LRMDA: variants seen among roughly 807,000 people sequenced by gnomAD.
LRMDA encodes the protein leucine-rich melanocyte differentiation-associated protein.
LRMDA carries 18 observed loss-of-function variants against 29.8 expected under a neutral mutation model. The ratio of observed to expected loss-of-function variants is 0.60; its 90% CI spans 0.42 to 0.90. The LOEUF (loss-of-function observed/expected upper bound fraction) is 0.90. Among genes scored for constraint, LRMDA ranks in the 40% least tolerant of loss-of-function variants. LRMDA has a pLI of 0.00. For synonymous variants in LRMDA, 125 were observed against 109.4 expected (o/e 1.14, Z -0.89); for missense variants, 273 against 273.9 (o/e 1.00, Z 0.02).
chr10:76,116,356 A>G (rs1193853480), intron 5 of LRMDA, among the ~76,000 whole-genome samples: 3 of 152,202 alleles, frequency 2.0e-5, no homozygotes, highest in Non-Finnish European at 2.9e-5. Context: ...TTTTAGATTT[A>G]AAGTGAACTG....
intron 5 of LRMDA, among the ~76,000 whole-genome samples, chr10:76,110,586 G>T (rs1182235165): frequency 6.6e-6 from 1 of 152,090 alleles, no homozygotes; most frequent in Non-Finnish European, 1.5e-5. Flanking sequence ...AGGGACCCAC[G>T]GGGAGGTAAT....
At chr10:75,793,963 T>C (rs2132254650) in intron 2 of LRMDA, among the ~76,000 whole-genome samples, 1 of 152,340 alleles carries the variant, frequency 6.6e-6, no homozygotes, top group South Asian at 2.1e-4. Flanking sequence ...TCTGTCCCCA[T>C]AGTGGGAAAA....
At chr10:75,548,453 C>A (rs1176399240) in intron 2 of LRMDA, among the ~76,000 whole-genome samples, 2 of 152,150 alleles carry the variant, frequency 1.3e-5, no homozygotes, top group Non-Finnish European at 2.9e-5. Flanking sequence ...AATTTTAATA[C>A]TCTGGGAGTG....
At chr10:76,315,276 A>G (rs896784059) in intron 5 of LRMDA, among the ~76,000 whole-genome samples, 2 of 152,242 alleles carry the variant, frequency 1.3e-5, no homozygotes, top group Admixed American at 1.3e-4. Context: ...GGGAGCCAGG[A>G]ACAGACAAGA....
At chr10:75,881,395 G>A (rs1442151764) in intron 2 of LRMDA, among the ~76,000 whole-genome samples, 4 of 152,190 alleles carry the variant, frequency 2.6e-5, no homozygotes, top group East Asian at 1.9e-4. Flanking sequence ...GCCGATTCAC[G>A]CTGACTTCCT....
chr10:75,551,669 G>A (rs765438372), intron 2 of LRMDA, among the ~76,000 whole-genome samples: 115 of 152,134 alleles, frequency 7.6e-4, no homozygotes, highest in Non-Finnish European at 1.4e-3. Flanking sequence ...GAACTCATCC[G>A]TTTTTATGGC....
intron 5 of LRMDA, among the ~76,000 whole-genome samples, chr10:76,195,571 T>C (rs1851318834): frequency 6.6e-6 from 1 of 152,178 alleles, no homozygotes; most frequent in Non-Finnish European, 1.5e-5. Context: ...CCTGTTTCCT[T>C]AGCCCTGTTC....
At chr10:76,329,290 A>C (rs1279034447) in intron 6 of LRMDA, among the ~76,000 whole-genome samples, 1 of 152,240 alleles carries the variant, frequency 6.6e-6, no homozygotes, top group African/African-American at 2.4e-5. Context: ...AATCCAGCAC[A>C]TCTACCATAA....
chr10:76,209,510 G>T (rs1851598108), intron 5 of LRMDA, among the ~76,000 whole-genome samples: 2 of 152,224 alleles, frequency 1.3e-5, no homozygotes, highest in African/African-American at 2.4e-5. Context: ...CATGGCTCCT[G>T]TGAGGGACTG....
intron 2 of LRMDA, among the ~76,000 whole-genome samples, chr10:75,973,507 C>T (rs538551573): frequency 6.6e-6 from 1 of 151,990 alleles, no homozygotes; most frequent in Non-Finnish European, 1.5e-5. Context: ...CAACCTCCAC[C>T]TCCTGGGTTC....
At chr10:76,062,175 G>A (rs192701186) in intron 5 of LRMDA, among the ~76,000 whole-genome samples, 6 of 152,292 alleles carry the variant, frequency 3.9e-5, no homozygotes, top group East Asian at 3.9e-4. Flanking sequence ...CGATGGAATC[G>A]GAATCTCAAG....
At chr10:76,527,446 G>C (rs1843189078) in intron 6 of LRMDA, among the ~76,000 whole-genome samples, 1 of 152,022 alleles carries the variant, frequency 6.6e-6, no homozygotes, top group Non-Finnish European at 1.5e-5. Flanking sequence ...TGGAGACCAG[G>C]GACATGATTT....
At chr10:75,688,975 G>A (rs532756237) in intron 2 of LRMDA, among the ~76,000 whole-genome samples, 1 of 152,196 alleles carries the variant, frequency 6.6e-6, no homozygotes, top group East Asian at 1.9e-4. Context: ...ATAGACTACA[G>A]TATAATAACT....
intron 6 of LRMDA, among the ~76,000 whole-genome samples, chr10:76,441,435 G>A (rs1007472474): frequency 2.6e-4 from 40 of 152,122 alleles, no homozygotes; most frequent in Admixed American, 1.2e-3. Context: ...TCTGTAAAAT[G>A]GGGATACTGA....
At chr10:76,041,816 G>A (rs529053644) in intron 3 of LRMDA, among the ~76,000 whole-genome samples, 9 of 152,148 alleles carry the variant, frequency 5.9e-5, no homozygotes, top group African/African-American at 1.9e-4. Flanking sequence ...AAATCTCAAC[G>A]CTAAGTACCC....
intron 6 of LRMDA, among the ~76,000 whole-genome samples, chr10:76,509,710 T>C (rs1285528037): frequency 6.6e-6 from 1 of 152,244 alleles, no homozygotes; most frequent in Non-Finnish European, 1.5e-5. Context: ...AGGCTGTCTG[T>C]GTGAAGGCTG....
intron 4 of LRMDA, among the ~76,000 whole-genome samples, chr10:76,054,358 C>T (rs887098243): frequency 6.6e-6 from 1 of 151,972 alleles, no homozygotes. Context: ...GCTGTCTCTT[C>T]GATTGTATAA....
chr10:76,519,302 A>G (rs1357505863), intron 6 of LRMDA, among the ~76,000 whole-genome samples: 1 of 152,204 alleles, frequency 6.6e-6, no homozygotes, highest in Non-Finnish European at 1.5e-5. Flanking sequence ...GCATGCATTC[A>G]TTTATAATGA....
chr10:76,482,020 A>G (rs1047071320), intron 6 of LRMDA, among the ~76,000 whole-genome samples: 9 of 152,036 alleles, frequency 5.9e-5, no homozygotes, highest in African/African-American at 1.4e-4. Context: ...AACAGAAATC[A>G]TTATCATTCT....
Sources: gnomAD v4.1 joint callset for allele counts (sites outside exome capture counted in the v4.1 genomes callset) on GRCh38, gnomAD v4.1.1 for gene constraint, MANE v1.5 for transcripts, NCBI Gene and HGNC (gene_info 2026-07-23, HGNC 2026-07-21) for gene names.